The following NT5C3B variants were observed in gnomAD, a reference collection of about 807,000 sequenced individuals.
NT5C3B encodes the protein 5'-nucleotidase, cytosolic IIIB, also known as 7-methylguanosine phosphate-specific 5'-nucleotidase.
In NT5C3B, 28 loss-of-function variants were observed where a neutral mutation model predicts 32.5. The ratio of observed to expected loss-of-function variants is 0.86; its 90% CI spans 0.64 to 1.18. The LOEUF is 1.18. NT5C3B is among the 50% of genes most tolerant of loss of function. The pLI is 0.00. For missense variants in NT5C3B, 317 were observed against 322.0 expected, an observed-to-expected ratio of 0.98 and a Z score of 0.12; for synonymous variants, 138 against 118.0, an observed-to-expected ratio of 1.17 and a Z score of -1.10.
Position 41,827,475 on chromosome 17 carries a change from C to G in NT5C3B, c.719G>C (p.Gly240Ala). 1 of 872,972 alleles carries G rather than the reference C, an allele frequency of 1.1e-6. No individual in the cohort carries two copies. The highest frequency in any genetic ancestry group is 2.0e-6 in the Non-Finnish European group (1 of 501,692). 54.1% of individuals were successfully genotyped at this position (872,972 alleles called of 1,614,324 possible). Reference sequence around the variant, plus strand: ...GAGAATGTTCTGCACACCAGGAACCCCATCGGCCATGGTGAGGTCCCCGAT... The same window carrying G: ...GAGAATGTTCTGCACACCAGGAACCGCATCGGCCATGGTGAGGTCCCCGAT... ...DSIGDLTMADGVPGVQNILKI... is the reference protein window; with the variant it reads ...DSIGDLTMADAVPGVQNILKI... The change falls in exon 8 of 9, where the codon GGG becomes GCG. Residue 240 changes from glycine (G) to alanine (A), a missense_variant. Coordinates refer to ENST00000435506, the MANE Select transcript of NT5C3B (RefSeq NM_052935.5).
rs781993749 is a variant in NT5C3B at position 41,825,577 on chromosome 17, C to T, written c.849G>A (p.Gly283=). The change falls in exon 9 of 9, where the codon GGG becomes GGA. Residue 283 remains glycine, a synonymous_variant. Coordinates refer to ENST00000435506, the MANE Select transcript of NT5C3B (RefSeq NM_052935.5). ...EKDETLDVVN[G]LLQHILCQGV... ...CCTGGCACAGGATGTGCTGCAGTAG[C>T]CCGTTGACCACATCCAGAGTCTCGT... The T allele has an allele frequency of 2.3e-6, 2 of 872,874 alleles. No homozygotes were observed. The highest frequency in any genetic ancestry group is 4.0e-6 in the Non-Finnish European group (2 of 501,682). The allele number at this position is 872,874 out of a possible 1,614,324, so 54.1% of individuals were successfully genotyped here.
At chr17:41,836,062 A>T in intron 1 of NT5C3B, 105 bp from the exon 2 acceptor site, 7 of 1,395,908 alleles carry the variant, frequency 5.0e-6, no homozygotes, top group Non-Finnish European at 5.6e-6. Context: ...GGGGTGCGCG[A>T]GGGGGCGGCT....
At chr17:41,827,764 C>T (rs1328628559) in intron 7 of NT5C3B, 138 bp from the exon 8 acceptor site, 13 of 624,704 alleles carry the variant, frequency 2.1e-5, no homozygotes, top group African/African-American at 7.3e-5. Context: ...GCCTAAACTA[C>T]GGCCCATGGG....
intron 2 of NT5C3B, 64 bp from the exon 3 acceptor site, chr17:41,835,336 G>T (rs2048129363): frequency 2.9e-6 from 4 of 1,374,434 alleles, no homozygotes; most frequent in South Asian, 1.2e-5. Flanking sequence ...CCCTGCCTCA[G>T]CCTGGGGGAT....
intron 2 of NT5C3B, chr17:41,835,641 T>A (rs1410541232): frequency 2.8e-6 from 2 of 705,452 alleles, no homozygotes; most frequent in East Asian, 5.4e-5. Context: ...TGTGGGCGCC[T>A]TCTGTCCAAT....
In NT5C3B at chr17:41,825,401, G is replaced by A; in HGVS notation, c.*122C>T. 1 of 681,724 alleles carries A rather than the reference G, an allele frequency of 1.5e-6. No individual in the cohort carries two copies. The highest frequency in any genetic ancestry group is 2.5e-6 in the Non-Finnish European group (1 of 405,630). 42.2% of individuals were successfully genotyped at this position (681,724 alleles called of 1,614,324 possible). A position where few individuals can be genotyped will look rare whatever the true frequency, so the allele number is the denominator to read the frequency against. On this transcript the variant is annotated 3_prime_UTR_variant, in exon 9 of 9. Transcript: ENST00000435506. ...GTGCTCAGGGAAAGGAGGACGGAGG[G>A]GCGCGGAAGGACCCAGCCACTGCTG...
rs781960203 is a variant in NT5C3B, at chr17:41,832,378, C to T, written c.314+14G>A. 85 of 1,611,694 alleles carry T rather than the reference C, an allele frequency of 5.3e-5. No individual in the cohort carries two copies. Among genetic ancestry groups the T allele is most frequent in the Non-Finnish European group, 7.0e-5 (82 of 1,178,216 alleles). ...TCAAGGGCCCAGAAGCTTTTCTCCA[C>T]CACCATCACTCACCATTCCACCATA... On this transcript the variant is annotated intron_variant, in intron 5 of 8. Transcript: ENST00000435506.
In NT5C3B at chr17:41,825,205, A is replaced by T; in HGVS notation, c.*318T>A. On this transcript the variant is annotated 3_prime_UTR_variant, in exon 9 of 9. Transcript: ENST00000435506. ...CTTTTTTTTCATTTTAAAAATTTTGATCTGTTTCACACATTATATTTGTTT... is the reference window on the plus strand; with the variant it reads ...CTTTTTTTTCATTTTAAAAATTTTGTTCTGTTTCACACATTATATTTGTTT... The T allele has an allele frequency of 4.3e-6, 1 of 233,104 alleles. No individual in the cohort carries two copies. Among genetic ancestry groups the T allele is most frequent in the Non-Finnish European group, 8.3e-6 (1 of 120,878 alleles). 14.4% of individuals were successfully genotyped at this position (233,104 alleles called of 1,614,324 possible).
intron 6 of NT5C3B, among the ~76,000 whole-genome samples, chr17:41,829,166 T>C: frequency 6.6e-6 from 1 of 152,142 alleles, no homozygotes; most frequent in East Asian, 1.9e-4. Flanking sequence ...AGACCACAGG[T>C]GCATGCCACC....
chr17:41,830,733 GCCT>G lies in NT5C3B; in HGVS notation c.404+65_404+67del, dbSNP rs1201866534. ...ACTAACTGCTCTCTACTCTTCCCCC[GCCT>G]CCTTTTTTTGAACAAAACATTCTAA... On this transcript the variant is annotated intron_variant, in intron 6 of 8. Coordinates refer to ENST00000435506, the MANE Select transcript of NT5C3B (RefSeq NM_052935.5). 2.0e-5 allele frequency: 23 copies of G among 1,151,640 alleles called. 1 individual carries two copies. The African/African-American group carries it at 3.4e-4, about 17-fold the overall frequency. 71.3% of individuals were successfully genotyped at this position (1,151,640 alleles called of 1,614,324 possible).
chr17:41,826,877 GTA>G (rs2047973964), intron 8 of NT5C3B, among the ~76,000 whole-genome samples: 1 of 151,478 alleles, frequency 6.6e-6, no homozygotes, highest in Non-Finnish European at 1.5e-5. Flanking sequence ...GCACATGCCT[GTA>G]GTCCCAGCTA....
chr17:41,825,781 G>A (rs1276546947), intron 8 of NT5C3B, 124 bp from the exon 9 acceptor site: 1 of 779,602 alleles, frequency 1.3e-6, no homozygotes, highest in Non-Finnish European at 2.2e-6. Context: ...TCCCTTTTGA[G>A]AGCCAAAGGA....
chr17:41,835,028 C>A (rs2048121470), intron 4 of NT5C3B, 42 bp downstream of exon 4: 10 of 1,594,554 alleles, frequency 6.3e-6, no homozygotes, highest in Non-Finnish European at 8.6e-6. Flanking sequence ...TTTGAAGTAG[C>A]AAATGACAAC....
In NT5C3B at chr17:41,836,208, G is replaced by A; in HGVS notation, c.-15C>T. On this transcript the variant is annotated 5_prime_UTR_variant, in exon 1 of 9. Transcript: ENST00000435506. ...TCCTCTGCCATCCCGTTCGAGGCCT[G>A]GTCGGCGGCTCGCGGGACAACGACA... is the stretch of plus-strand genomic sequence containing the variant. 2 of 1,243,068 alleles carry A rather than the reference G, an allele frequency of 1.6e-6. No homozygotes were observed. Among genetic ancestry groups the A allele is most frequent in the Non-Finnish European group, 2.0e-6 (2 of 995,594 alleles). The allele number at this position is 1,243,068 out of a possible 1,614,324, so 77.0% of individuals were successfully genotyped here. A position where few individuals can be genotyped will look rare whatever the true frequency, so the allele number is the denominator to read the frequency against.
Position 41,836,177 on chromosome 17 carries a change from C to T in NT5C3B, c.12+5G>A, listed in dbSNP as rs2048154991. ...CCCCACTCCGGACGCTTCCTCCCTC[C>T]TCACCTCCTCTGCCATCCCGTTCGA... On this transcript the variant is annotated splice_donor_5th_base_variant and intron_variant, in intron 1 of 8. Coordinates refer to ENST00000435506, the MANE Select transcript of NT5C3B (RefSeq NM_052935.5). The T allele has an allele frequency of 7.8e-7, 1 of 1,285,210 alleles. No individual in the cohort carries two copies. Among genetic ancestry groups the T allele is most frequent in the African/African-American group, 1.5e-5 (1 of 64,680 alleles). The allele number at this position is 1,285,210 out of a possible 1,614,324, so 79.6% of individuals were successfully genotyped here.
chr17:41,829,004 T>C (rs1213775876), intron 6 of NT5C3B, 52 bp from the exon 7 acceptor site: 1 of 1,534,036 alleles, frequency 6.5e-7, no homozygotes, highest in Non-Finnish European at 8.9e-7. Flanking sequence ...CTGCTGTTCT[T>C]TGTTTCCTAT....
At position 41,825,493 on chromosome 17, in the gene NT5C3B, G is replaced by C. The variant is rs375921113; in HGVS notation, c.*30C>G. 7.5e-5 allele frequency: 65 copies of C among 864,746 alleles called. 1 individual carries two copies. In the South Asian group the frequency reaches 8.3e-4, roughly 11 times the overall value. 53.6% of individuals were successfully genotyped at this position (864,746 alleles called of 1,614,324 possible). On this transcript the variant is annotated 3_prime_UTR_variant, in exon 9 of 9. Transcript: ENST00000435506. ...CTGGGGAGGCGCCCCTCCTCACCAC[G>C]GCCTGCAGGCCGGGCTGGAGCCTGC... is the stretch of plus-strand genomic sequence containing the variant.
intron 6 of NT5C3B, among the ~76,000 whole-genome samples, chr17:41,829,180 C>T (rs2048012905): frequency 6.6e-6 from 1 of 152,058 alleles, no homozygotes; most frequent in Non-Finnish European, 1.5e-5. Flanking sequence ...TGCCACCACA[C>T]CTGGCTAATT....
chr17:41,832,728 T>C (rs1347066745), intron 4 of NT5C3B: 1 of 299,634 alleles, frequency 3.3e-6, no homozygotes, highest in Admixed American at 4.3e-5. Context: ...AATTAGCCGG[T>C]GTAGTGGCAT....
Sources: allele counts gnomAD v4.1 joint callset (sites outside exome capture counted in the v4.1 genomes callset), GRCh38; gene constraint gnomAD v4.1.1; transcripts MANE v1.5; gene names NCBI Gene and HGNC (gene_info 2026-07-23, HGNC 2026-07-21).